Variants in HS6ST3 observed in about 807,000 individuals in gnomAD.
The protein encoded by HS6ST3 is heparan sulfate 6-O-sulfotransferase 3.
HS6ST3 carries 12 observed loss-of-function variants against 36.7 expected under a neutral mutation model. The observed-to-expected ratio is 0.33, with a 90% CI of 0.21 to 0.53. HS6ST3 has a LOEUF of 0.53. Ranked by LOEUF, HS6ST3 falls within the 20% of genes least tolerant of loss-of-function variation. The pLI is 0.95. For synonymous variants in HS6ST3, 240 were observed against 257.5 expected, an observed-to-expected ratio of 0.93 and a Z score of 0.65; for missense variants, 584 against 640.9, an observed-to-expected ratio of 0.91 and a Z score of 0.96.
At chr13:96,107,937 A>G (rs1486591253) in intron 1 of HS6ST3, among the ~76,000 whole-genome samples, 1 of 152,168 alleles carries the variant, frequency 6.6e-6, no homozygotes, top group African/African-American at 2.4e-5. Flanking sequence ...CATTAACTGC[A>G]CAAATTGTTC....
At chr13:96,331,189 C>T (rs572704596) in intron 1 of HS6ST3, among the ~76,000 whole-genome samples, 1 of 152,362 alleles carries the variant, frequency 6.6e-6, no homozygotes, top group East Asian at 1.9e-4. Context: ...TCGTCAAAGT[C>T]ATTCTCCCTC....
chr13:96,651,494 C>T (rs2139012840), intron 1 of HS6ST3, among the ~76,000 whole-genome samples: 1 of 152,186 alleles, frequency 6.6e-6, no homozygotes, highest in South Asian at 2.1e-4. Context: ...CCCTGCTCTC[C>T]AGGTGTATGA....
intron 1 of HS6ST3, among the ~76,000 whole-genome samples, chr13:96,152,316 CTTTTTT>C (rs766489670): frequency 1.0e-5 from 1 of 97,094 alleles, no homozygotes; most frequent in African/African-American, 3.9e-5. Flanking sequence ...GGCCCCTTTC[CTTTTTT>C]TTTTTTTTTT....
chr13:96,821,908 G>C lies in HS6ST3; in HGVS notation c.708-10582G>C, dbSNP rs1878542821. Among the ~76,000 whole-genome samples the C allele has an allele frequency of 3.3e-5, 5 of 152,216 alleles. No homozygotes were observed. The South Asian group carries it at 1.0e-3, about 31-fold the overall frequency. The stretch of plus-strand genomic sequence containing the variant: ...TTTTTGGAAAATATGCATCAGAGCT[G>C]TCAAATATAGATTCTAAATATTGGC... On this transcript the variant is annotated intron_variant, in intron 1 of 1. Transcript: ENST00000376705.
intron 1 of HS6ST3, among the ~76,000 whole-genome samples, chr13:96,197,810 G>A (rs558703403): frequency 1.3e-5 from 2 of 152,320 alleles, no homozygotes; most frequent in South Asian, 4.1e-4. Context: ...CTGGGGTTTT[G>A]TGTCTGTGGC....
chr13:96,090,820 C>G lies in HS6ST3; in HGVS notation c.-43C>G, dbSNP rs2053757612. The G allele has an allele frequency of 6.9e-7, 1 of 1,446,918 alleles. No individual in the cohort carries two copies. The highest frequency in any genetic ancestry group is 2.4e-5 in the Admixed American group (1 of 40,940). 89.6% of individuals were successfully genotyped at this position (1,446,918 alleles called of 1,614,324 possible). Reference sequence around the variant, plus strand: ...GAGCGGGCGCCCGTCCGCCCTGCCGCCGCCGCCGCCGCCGCTTCGCCTGCC... The same window carrying G: ...GAGCGGGCGCCCGTCCGCCCTGCCGGCGCCGCCGCCGCCGCTTCGCCTGCC... On this transcript the variant is annotated 5_prime_UTR_variant, in exon 1 of 2. Transcript: ENST00000376705.
chr13:96,276,107 T>G (rs185374302), intron 1 of HS6ST3, among the ~76,000 whole-genome samples: 49 of 152,272 alleles, frequency 3.2e-4, no homozygotes, highest in African/African-American at 1.2e-3. Flanking sequence ...CCAGCATGCC[T>G]TGATAGCCTC....
intron 1 of HS6ST3, among the ~76,000 whole-genome samples, chr13:96,537,493 A>AT (rs1395415418): frequency 1.3e-5 from 2 of 152,164 alleles, no homozygotes; most frequent in Non-Finnish European, 2.9e-5. Flanking sequence ...TTAATCCCCT[A>AT]TTAGGCATTG....
intron 1 of HS6ST3, among the ~76,000 whole-genome samples, chr13:96,284,146 A>T (rs892686084): frequency 1.3e-5 from 2 of 152,172 alleles, no homozygotes; most frequent in African/African-American, 4.8e-5. Context: ...CCGTGAGGTG[A>T]TAGGGAACCA....
At chr13:96,185,604 G>A (rs74676570) in intron 1 of HS6ST3, among the ~76,000 whole-genome samples, 205 of 152,280 alleles carry the variant, frequency 1.3e-3, no homozygotes, top group African/African-American at 4.5e-3. Context: ...TGATCAAGAC[G>A]AGTTTATACC....
intron 1 of HS6ST3, among the ~76,000 whole-genome samples, chr13:96,515,798 T>C (rs1278872215): frequency 6.6e-6 from 1 of 152,202 alleles, no homozygotes; most frequent in Non-Finnish European, 1.5e-5. Flanking sequence ...TGTGAGTTAA[T>C]TAAACAAACC....
intron 1 of HS6ST3, among the ~76,000 whole-genome samples, chr13:96,112,437 TAAATGGTGA>T (rs1435354305): frequency 4.0e-5 from 6 of 151,240 alleles, no homozygotes; most frequent in Non-Finnish European, 8.9e-5. Context: ...TATCTATATT[TAAATGGTGA>T]AACAGGTCAG....
At position 96,101,202 on chromosome 13, in the gene HS6ST3, G is replaced by A. The variant is rs551576782; in HGVS notation, c.707+9633G>A. ...AATTTGAAGTTATGTAACAATATTA[G>A]TTAAGGCATGACAAGTAGTTTGCAA... On this transcript the variant is annotated intron_variant, in intron 1 of 1. Coordinates refer to ENST00000376705, the MANE Select transcript of HS6ST3 (RefSeq NM_153456.4). Among the ~76,000 whole-genome samples the A allele has an allele frequency of 2.6e-5, 4 of 152,204 alleles. No individual in the cohort carries two copies. The South Asian group carries it at 8.3e-4, about 32-fold the overall frequency.
intron 1 of HS6ST3, among the ~76,000 whole-genome samples, chr13:96,636,775 T>C (rs1388999500): frequency 6.6e-6 from 1 of 152,090 alleles, no homozygotes; most frequent in Admixed American, 6.6e-5. Context: ...ATTTGGAAAA[T>C]TGTGTTTTAA....
At chr13:96,422,297 A>G (rs879905496) in intron 1 of HS6ST3, among the ~76,000 whole-genome samples, 5 of 152,150 alleles carry the variant, frequency 3.3e-5, no homozygotes, top group Non-Finnish European at 5.9e-5. Flanking sequence ...CTTTTGTCAT[A>G]TATTTTATAT....
intron 1 of HS6ST3, among the ~76,000 whole-genome samples, chr13:96,443,696 C>G (rs2055684958): frequency 6.6e-6 from 1 of 151,984 alleles, no homozygotes; most frequent in African/African-American, 2.4e-5. Flanking sequence ...CCTTGTATAC[C>G]ACTCTATTGC....
chr13:96,438,450 A>C (rs570125760), intron 1 of HS6ST3, among the ~76,000 whole-genome samples: 1 of 152,332 alleles, frequency 6.6e-6, no homozygotes, highest in South Asian at 2.1e-4. Context: ...TAGGGTTGGA[A>C]CCAGAAGCCA....
intron 1 of HS6ST3, among the ~76,000 whole-genome samples, chr13:96,726,339 T>C (rs1410271601): frequency 6.6e-6 from 1 of 152,196 alleles, no homozygotes; most frequent in Non-Finnish European, 1.5e-5. Flanking sequence ...TATAATAAGA[T>C]TGATTCTTCC....
intron 1 of HS6ST3, among the ~76,000 whole-genome samples, chr13:96,342,361 T>C (rs1814391711): frequency 6.6e-6 from 1 of 152,222 alleles, no homozygotes; most frequent in Non-Finnish European, 1.5e-5. Flanking sequence ...ACTATTTTAT[T>C]CAGCTTTAAA....
Sources: gnomAD v4.1 joint callset for allele counts (sites outside exome capture counted in the v4.1 genomes callset) on GRCh38, gnomAD v4.1.1 for gene constraint, MANE v1.5 for transcripts, NCBI Gene and HGNC (gene_info 2026-07-23, HGNC 2026-07-21) for gene names.